EYS: variants seen among roughly 807,000 people sequenced by gnomAD.
EYS encodes protein eyes shut homolog.
In EYS, 250 loss-of-function variants were observed where a neutral mutation model predicts 282.1. The observed-to-expected ratio is 0.89, with a 90% confidence interval of 0.80 to 0.98. The LOEUF (loss-of-function observed/expected upper bound fraction) is 0.98, where lower values mean the gene tolerates loss of function less well. EYS is among the 50% of genes least tolerant of loss of function. The probability of loss-of-function intolerance (pLI) is 0.00; values close to 1 mark genes in which losing one functional copy is unlikely to be tolerated. For synonymous variants in EYS, 1,355 were observed against 1,282.9 expected, an observed-to-expected ratio of 1.06 and a Z score of -1.20; for missense variants, 4,016 against 3,709.0, an observed-to-expected ratio of 1.08 and a Z score of -2.15.
chr6:64,758,774 C>T (rs1773061166), intron 22 of EYS, among the ~76,000 whole-genome samples: 1 of 152,118 alleles, frequency 6.6e-6, no homozygotes, highest in African/African-American at 2.4e-5. Flanking sequence ...AATAAAGAGT[C>T]TACCCTTTGG....
At chr6:63,738,206 A>G (rs1300163052) in intron 41 of EYS, among the ~76,000 whole-genome samples, 2 of 152,168 alleles carry the variant, frequency 1.3e-5, no homozygotes, top group East Asian at 3.9e-4. Flanking sequence ...AGAACTAGAA[A>G]TACCATTTGA....
chr6:65,364,103 T>C (rs1764818002), intron 8 of EYS, among the ~76,000 whole-genome samples: 1 of 149,590 alleles, frequency 6.7e-6, no homozygotes, highest in African/African-American at 2.4e-5. Context: ...CTCTTGGATG[T>C]TTTTTCTTAA....
chr6:65,525,431 G>C (rs918492339), intron 2 of EYS, among the ~76,000 whole-genome samples: 1 of 152,140 alleles, frequency 6.6e-6, no homozygotes, highest in East Asian at 1.9e-4. Context: ...ACTTCCAAGT[G>C]CCTGGCCATC....
chr6:63,845,970 G>C (rs115620918), intron 36 of EYS, among the ~76,000 whole-genome samples: 89 of 152,200 alleles, frequency 5.8e-4, no homozygotes, highest in South Asian at 3.3e-3. Context: ...TCAGAATTCA[G>C]GATCCTAAAG....
chr6:65,615,951 G>C (rs3049827), intron 2 of EYS, among the ~76,000 whole-genome samples: 1 of 4,928 alleles, frequency 2.0e-4, no homozygotes, highest in Non-Finnish European at 3.2e-4. Flanking sequence ...AAAAAAAAAA[G>C]AAAGAAAAAA....
chr6:65,516,092 G>A (rs533383476), intron 2 of EYS, among the ~76,000 whole-genome samples: 4 of 151,628 alleles, frequency 2.6e-5, no homozygotes, highest in Non-Finnish European at 5.9e-5. Context: ...AGAAAAGAAG[G>A]AAGGAAAGAA....
intron 12 of EYS, among the ~76,000 whole-genome samples, chr6:65,137,852 T>C (rs1008021100): frequency 1.3e-5 from 2 of 152,132 alleles, no homozygotes; most frequent in African/African-American, 4.8e-5. Flanking sequence ...ATTTATGATA[T>C]TTACTTGGAA....
intron 30 of EYS, among the ~76,000 whole-genome samples, chr6:64,257,082 C>G (rs1376446792): frequency 3.3e-5 from 5 of 152,062 alleles, no homozygotes; most frequent in Admixed American, 6.6e-5. Flanking sequence ...GATTCTCATT[C>G]ATTCAGACTG....
In EYS at chr6:64,459,348, G is replaced by T. The variant is rs1775665906; in HGVS notation, c.5645-19996C>A. Among the ~76,000 whole-genome samples, 4 of 152,188 alleles carry T rather than the reference G, an allele frequency of 2.6e-5. 1 individual carries two copies. The highest frequency in any genetic ancestry group is 7.2e-5 in the African/African-American group (3 of 41,460). On this transcript the variant is annotated intron_variant, in intron 26 of 42. Transcript: ENST00000503581. ...TATTTCTGCAGTTAAATGAGAGTAT[G>T]AGAACACTGGGGAATCCTTATTTTT...
intron 13 of EYS, among the ~76,000 whole-genome samples, chr6:65,043,928 T>C (rs927637105): frequency 2.6e-5 from 4 of 151,634 alleles, no homozygotes; most frequent in Admixed American, 1.3e-4. Flanking sequence ...CATATGCTAG[T>C]TATATTTTTT....
intron 14 of EYS, among the ~76,000 whole-genome samples, chr6:64,974,055 T>TG (rs1770392453): frequency 1.3e-5 from 2 of 152,044 alleles, no homozygotes; most frequent in South Asian, 4.1e-4. Context: ...GATTCCATCA[T>TG]TACATTTATG....
intron 16 of EYS, among the ~76,000 whole-genome samples, 176 bp from the exon 17 acceptor site, chr6:64,902,676 T>A (rs1250751759): frequency 6.6e-6 from 1 of 152,138 alleles, no homozygotes; most frequent in Non-Finnish European, 1.5e-5. Context: ...CATAAAAACA[T>A]GCCAGTTTCT....
intron 35 of EYS, among the ~76,000 whole-genome samples, chr6:63,923,866 A>G (rs1283589832): frequency 1.3e-5 from 2 of 152,202 alleles, no homozygotes; most frequent in African/African-American, 4.8e-5. Context: ...GCTTAGAATA[A>G]TGTAAGCCTA....
At chr6:64,672,731 A>C (rs1330984299) in intron 22 of EYS, among the ~76,000 whole-genome samples, 1 of 152,126 alleles carries the variant, frequency 6.6e-6, no homozygotes, top group Non-Finnish European at 1.5e-5. Context: ...TGCACAATCG[A>C]CAGAAGTTAC....
At chr6:64,783,856 A>G (rs1289243631) in intron 22 of EYS, among the ~76,000 whole-genome samples, 2 of 152,102 alleles carry the variant, frequency 1.3e-5, no homozygotes, top group Non-Finnish European at 2.9e-5. Context: ...CTTTACCCCA[A>G]CTCTGCTTTA....
chr6:64,471,910 G>A (rs1776133834), intron 26 of EYS, among the ~76,000 whole-genome samples: 1 of 152,116 alleles, frequency 6.6e-6, no homozygotes, highest in African/African-American at 2.4e-5. Context: ...GCACAGTAGG[G>A]TGACTGTAGT....
At chr6:64,191,988 CTGT>C (rs2150316976) in intron 31 of EYS, among the ~76,000 whole-genome samples, 1 of 145,368 alleles carries the variant, frequency 6.9e-6, no homozygotes, top group African/African-American at 2.5e-5. Context: ...TCTCCAGCAC[CTGT>C]TGTTTCCTGA....
At chr6:64,437,291 A>G (rs1202529353) in intron 27 of EYS, among the ~76,000 whole-genome samples, 2 of 151,708 alleles carry the variant, frequency 1.3e-5, no homozygotes, top group Non-Finnish European at 1.5e-5. Flanking sequence ...CAAATGGGAA[A>G]AAAATTAATT....
At chr6:64,572,717 A>T (rs143649675) in intron 26 of EYS, among the ~76,000 whole-genome samples, 2,414 of 152,276 alleles carry the variant, frequency 0.016, 61 homozygotes, top group African/African-American at 0.056. Flanking sequence ...CTTACAAGGT[A>T]TGTGAAGGAC....
Sources: gnomAD v4.1 joint callset for allele counts (sites outside exome capture counted in the v4.1 genomes callset) on GRCh38, gnomAD v4.1.1 for gene constraint, MANE v1.5 for transcripts, NCBI Gene and HGNC (gene_info 2026-07-23, HGNC 2026-07-21) for gene names.